B3GAT2: variants seen among roughly 807,000 people sequenced by gnomAD.
B3GAT2 encodes the protein beta-1,3-glucuronyltransferase 2.
Under a neutral mutation model 27.8 loss-of-function variants are expected in B3GAT2, and 26 were observed. That is an observed-to-expected ratio of 0.93 (90% confidence interval 0.68 to 1.30). The LOEUF is 1.30. B3GAT2 is among the 50% of genes most tolerant of loss of function. The probability of loss-of-function intolerance (pLI) is 0.00; values close to 1 mark genes in which losing one functional copy is unlikely to be tolerated. For synonymous variants in B3GAT2, 218 were observed against 195.1 expected (o/e 1.12, Z -0.98); for missense variants, 458 against 459.0 (o/e 1.00, Z 0.02).
At chr6:70,937,065 G>A (rs992815638) in intron 1 of B3GAT2, among the ~76,000 whole-genome samples, 1 of 152,074 alleles carries the variant, frequency 6.6e-6, no homozygotes, top group South Asian at 2.1e-4. Context: ...AATGATAAAG[G>A]GGATATCACC....
intron 2 of B3GAT2, among the ~76,000 whole-genome samples, chr6:70,876,651 T>C (rs1772019559): frequency 6.6e-6 from 1 of 152,214 alleles, no homozygotes; most frequent in Non-Finnish European, 1.5e-5. Flanking sequence ...AGCATTCTTA[T>C]TCACCAATCT....
At chr6:70,919,877 T>G (rs564978313) in intron 1 of B3GAT2, among the ~76,000 whole-genome samples, 3 of 152,188 alleles carry the variant, frequency 2.0e-5, no homozygotes, top group Non-Finnish European at 4.4e-5. Flanking sequence ...GAGGAGGTAG[T>G]CTGTCCGTTA....
At position 70,859,547 on chromosome 6, in the gene B3GAT2, T is replaced by TAA. The variant is rs777497933; in HGVS notation, c.*2114_*2115dup. 1.7e-5 allele frequency: 10 copies of TAA among 593,166 alleles called. No individual in the cohort carries two copies. Among genetic ancestry groups the TAA allele is most frequent in the African/African-American group, 3.8e-5 (2 of 53,098 alleles). The allele number at this position is 593,166 out of a possible 1,614,324, so 36.7% of individuals were successfully genotyped here. A position where few individuals can be genotyped will look rare whatever the true frequency, so the allele number is the denominator to read the frequency against. On this transcript the variant is annotated 3_prime_UTR_variant, in exon 4 of 4. Coordinates refer to ENST00000230053, the MANE Select transcript of B3GAT2 (RefSeq NM_080742.3). ...TAAGAACACAGTCTAACTCTGAGTG[T>TAA]AAGTTTTAAACCCACTCACTATATG...
intron 2 of B3GAT2, among the ~76,000 whole-genome samples, chr6:70,884,005 A>G (rs1373699873): frequency 6.6e-6 from 1 of 151,250 alleles, no homozygotes; most frequent in Non-Finnish European, 1.5e-5. Flanking sequence ...AGAGACGATA[A>G]CGAGCCACAG....
intron 1 of B3GAT2, among the ~76,000 whole-genome samples, chr6:70,947,498 C>T (rs1345380978): frequency 6.6e-6 from 1 of 152,088 alleles, no homozygotes; most frequent in Admixed American, 6.5e-5. Flanking sequence ...GGATAAATTC[C>T]TCGACACATA....
chr6:70,876,912 G>A (rs1241171767), intron 2 of B3GAT2, among the ~76,000 whole-genome samples: 1 of 152,226 alleles, frequency 6.6e-6, no homozygotes, highest in African/African-American at 2.4e-5. Context: ...TGACTAGAAT[G>A]AGTAAGGGCT....
intron 1 of B3GAT2, among the ~76,000 whole-genome samples, chr6:70,913,373 C>T (rs1033236317): frequency 1.3e-5 from 2 of 152,070 alleles, no homozygotes; most frequent in Non-Finnish European, 2.9e-5. Flanking sequence ...TTTATTTTAG[C>T]TGTGTCTCAG....
chr6:70,857,979 AGGGCTTTCCATCGAT>A lies in B3GAT2; in HGVS notation c.*3669_*3683del. 1 of 1,614,152 alleles carries A rather than the reference AGGGCTTTCCATCGAT, an allele frequency of 6.2e-7. No homozygotes were observed. Among genetic ancestry groups the A allele is most frequent in the Non-Finnish European group, 8.5e-7 (1 of 1,180,008 alleles). ...ACCTCACAAGCACCAGCTGCATTTC[AGGGCTTTCCATCGAT>A]GGGCGTGCCTGTGCCTGCAGCTCCT... On this transcript the variant is annotated 3_prime_UTR_variant, in exon 4 of 4. Coordinates refer to ENST00000230053, the MANE Select transcript of B3GAT2 (RefSeq NM_080742.3).
At chr6:70,894,875 C>G (rs143776619) in intron 1 of B3GAT2, among the ~76,000 whole-genome samples, 1 of 152,222 alleles carries the variant, frequency 6.6e-6, no homozygotes, top group Admixed American at 6.5e-5. Flanking sequence ...CCGTTGGAAT[C>G]GCTTGTCCTT....
intron 1 of B3GAT2, among the ~76,000 whole-genome samples, chr6:70,920,527 C>A (rs1772850057): frequency 6.6e-6 from 1 of 152,116 alleles, no homozygotes. Context: ...AGCTGTAGAC[C>A]AGAACTGTTC....
intron 1 of B3GAT2, among the ~76,000 whole-genome samples, chr6:70,920,398 C>T (rs1411774748): frequency 2.0e-5 from 3 of 152,226 alleles, no homozygotes; most frequent in Non-Finnish European, 2.9e-5. Flanking sequence ...GATGCCCCGC[C>T]CTGCTTCGGC....
intron 1 of B3GAT2, 137 bp downstream of exon 1, chr6:70,955,702 C>T (rs1298403857): frequency 1.3e-5 from 14 of 1,074,256 alleles, no homozygotes; most frequent in Non-Finnish European, 1.7e-5. Context: ...CGGCTCCACT[C>T]GGTGCCCCGA....
chr6:70,861,681 T>C lies in B3GAT2; in HGVS notation c.954A>G (p.Thr318=). ...LANEPKYHLD[T]VKIEV ...CTTCAATTTATACCTCAATTTTCAC[T>C]GTGTCCAGGTGGTACTTTGGCTCGT... Residue 318 remains threonine, a synonymous_variant, in exon 4 of 4, where the codon ACA becomes ACG. Coordinates refer to ENST00000230053, the MANE Select transcript of B3GAT2 (RefSeq NM_080742.3). The C allele has an allele frequency of 1.2e-6, 2 of 1,613,730 alleles. No homozygotes were observed. The highest frequency in any genetic ancestry group is 1.7e-6 in the Non-Finnish European group (2 of 1,179,654).
In B3GAT2 at chr6:70,861,678, C is replaced by T; in HGVS notation, c.957G>A (p.Val319=). 1.9e-6 allele frequency: 3 copies of T among 1,613,654 alleles called. No homozygotes were observed. ...CTGCTTCAATTTATACCTCAATTTTCACTGTGTCCAGGTGGTACTTTGGCT... is the reference window on the plus strand; with the variant it reads ...CTGCTTCAATTTATACCTCAATTTTTACTGTGTCCAGGTGGTACTTTGGCT... ...ANEPKYHLDT[V]KIEV The change falls in exon 4 of 4, where the codon GTG becomes GTA. Residue 319 remains valine (V), a synonymous_variant. Coordinates refer to ENST00000230053, the MANE Select transcript of B3GAT2 (RefSeq NM_080742.3).
chr6:70,892,864 G>A (rs942203872), intron 2 of B3GAT2, among the ~76,000 whole-genome samples: 10 of 152,174 alleles, frequency 6.6e-5, no homozygotes, highest in African/African-American at 2.2e-4. Context: ...CCTCAGGACC[G>A]TCCAAGATGG....
chr6:70,862,938 C>T (rs983112626), intron 2 of B3GAT2, among the ~76,000 whole-genome samples: 2 of 152,136 alleles, frequency 1.3e-5, no homozygotes, highest in Admixed American at 6.5e-5. Context: ...GACTGTGCCA[C>T]TGCAACTCCA....
chr6:70,948,230 G>C (rs373878214), intron 1 of B3GAT2, among the ~76,000 whole-genome samples: 23 of 146,952 alleles, frequency 1.6e-4, no homozygotes, highest in Non-Finnish European at 3.3e-4. Context: ...GTTCTGGCCA[G>C]GGTAATTAGG....
intron 2 of B3GAT2, among the ~76,000 whole-genome samples, chr6:70,891,747 ATT>A (rs1491561839): frequency 7.7e-6 from 1 of 129,522 alleles, no homozygotes. Flanking sequence ...CAGAGCTCAG[ATT>A]GTGTGTGTGT....
At chr6:70,873,663 C>T (rs1166871129) in intron 2 of B3GAT2, among the ~76,000 whole-genome samples, 2 of 151,784 alleles carry the variant, frequency 1.3e-5, no homozygotes, top group Non-Finnish European at 2.9e-5. Context: ...CTTTTTCTCT[C>T]TTTTTCTACG....
Sources: allele counts gnomAD v4.1 joint callset (sites outside exome capture counted in the v4.1 genomes callset), GRCh38; gene constraint gnomAD v4.1.1; transcripts MANE v1.5; gene names NCBI Gene and HGNC (gene_info 2026-07-23, HGNC 2026-07-21).